CAMKMT: variants seen among roughly 807,000 people sequenced by gnomAD.
CAMKMT encodes calmodulin-lysine N-methyltransferase, also known as CaM KMT.
A neutral mutation model predicts 48.0 loss-of-function variants in CAMKMT; 53 were observed. The observed-to-expected ratio is 1.10, with a 90% CI of 0.89 to 1.39. The LOEUF (loss-of-function observed/expected upper bound fraction) is 1.39, where lower values mean the gene tolerates loss of function less well. Ranked by LOEUF, CAMKMT falls within the 40% of genes most tolerant of loss-of-function variation. The pLI is 0.00. For synonymous variants in CAMKMT, 165 were observed against 152.3 expected (o/e 1.08, Z -0.61); for missense variants, 428 against 402.7 (o/e 1.06, Z -0.54).
intron 3 of CAMKMT, among the ~76,000 whole-genome samples, chr2:44,572,113 C>A (rs1328572375): frequency 6.6e-6 from 1 of 152,250 alleles, no homozygotes; most frequent in Non-Finnish European, 1.5e-5. Context: ...TCTCCCCAGA[C>A]TGAGACTGTA....
intron 3 of CAMKMT, among the ~76,000 whole-genome samples, chr2:44,604,367 A>G (rs1299968452): frequency 1.3e-5 from 2 of 152,118 alleles, no homozygotes; most frequent in Non-Finnish European, 2.9e-5. Context: ...CCATATTTTA[A>G]TTTCTGACCA....
chr2:44,544,691 G>A (rs1667300919), intron 3 of CAMKMT, among the ~76,000 whole-genome samples: 1 of 152,172 alleles, frequency 6.6e-6, no homozygotes, highest in African/African-American at 2.4e-5. Context: ...TTTTAGATCA[G>A]CCAAGTAATC....
rs573164458 is a variant in CAMKMT at position 44,690,212 on chromosome 2, G to C, written c.377-14071G>C. On this transcript the variant is annotated intron_variant, in intron 3 of 10. Coordinates refer to ENST00000378494, the MANE Select transcript of CAMKMT (RefSeq NM_024766.5). ...TTTCTTTAAAATGTCACAGGCTAGA[G>C]CCCACTGGTAATTTTATAGTTTTCA... Among the ~76,000 whole-genome samples, 373 of 152,306 alleles carry C rather than the reference G, an allele frequency of 2.4e-3. 11 individuals carry two copies. The highest frequency in any genetic ancestry group is 0.021 in the Admixed American group (329 of 15,306).
rs1380861049 is a variant in CAMKMT at position 44,672,701 on chromosome 2, A to G, written c.377-31582A>G. 3.9e-5 allele frequency among the ~76,000 whole-genome samples: 6 copies of G among 152,152 alleles called. No individual in the cohort carries two copies. The East Asian group carries it at 7.7e-4, about 20-fold the overall frequency. ...ATAGTTGCTTATTTACCAGATATCA[A>G]CCAAGCTCTGGGTACCAGGCACTTT... is the stretch of plus-strand genomic sequence containing the variant. On this transcript the variant is annotated intron_variant, in intron 3 of 10. Coordinates refer to ENST00000378494, the MANE Select transcript of CAMKMT (RefSeq NM_024766.5).
chr2:44,688,051 C>T (rs779243301), intron 3 of CAMKMT, among the ~76,000 whole-genome samples: 1 of 152,190 alleles, frequency 6.6e-6, no homozygotes, highest in South Asian at 2.1e-4. Flanking sequence ...TTTACATCTA[C>T]AATGGTACGT....
At chr2:44,498,734 C>T (rs1020760273) in intron 3 of CAMKMT, among the ~76,000 whole-genome samples, 3 of 152,134 alleles carry the variant, frequency 2.0e-5, no homozygotes, top group Admixed American at 2.0e-4. Context: ...ATTTAATTCC[C>T]CTTTTGGCTA....
chr2:44,712,451 A>G (rs1156702086), intron 6 of CAMKMT, among the ~76,000 whole-genome samples: 1 of 152,104 alleles, frequency 6.6e-6, no homozygotes, highest in Non-Finnish European at 1.5e-5. Flanking sequence ...ATTTGTTTAA[A>G]TTACTATTAT....
chr2:44,494,235 C>G (rs1227151617), intron 3 of CAMKMT, among the ~76,000 whole-genome samples: 1 of 152,182 alleles, frequency 6.6e-6, no homozygotes, highest in Admixed American at 6.5e-5. Flanking sequence ...TGTCAGTAGA[C>G]ATGAACGGGA....
chr2:44,391,062 A>G (rs1681289106), intron 3 of CAMKMT, among the ~76,000 whole-genome samples: 1 of 152,214 alleles, frequency 6.6e-6, no homozygotes, highest in African/African-American at 2.4e-5. Flanking sequence ...TTTTAAATGT[A>G]AAAATAGTAC....
chr2:44,374,651 G>C (rs2104365436), intron 2 of CAMKMT, among the ~76,000 whole-genome samples: 1 of 152,304 alleles, frequency 6.6e-6, no homozygotes, highest in African/African-American at 2.4e-5. Context: ...TCCTCATGTA[G>C]TACTATCCAG....
intron 3 of CAMKMT, among the ~76,000 whole-genome samples, chr2:44,505,284 A>G (rs895816979): frequency 1.3e-5 from 2 of 152,164 alleles, no homozygotes; most frequent in Admixed American, 6.5e-5. Flanking sequence ...TATATTCTAC[A>G]TGCTACTCTT....
chr2:44,392,737 T>C (rs946049562), intron 3 of CAMKMT, among the ~76,000 whole-genome samples: 1 of 152,062 alleles, frequency 6.6e-6, no homozygotes, highest in Non-Finnish European at 1.5e-5. Flanking sequence ...TCCTGGCCGA[T>C]TTTTTAATTT....
At chr2:44,632,904 C>G (rs1391209882) in intron 3 of CAMKMT, among the ~76,000 whole-genome samples, 6 of 152,182 alleles carry the variant, frequency 3.9e-5, no homozygotes, top group Admixed American at 3.3e-4. Context: ...GGCTGGCTCT[C>G]CTTGCTCCTC....
At chr2:44,442,826 C>G (rs922476595) in intron 3 of CAMKMT, among the ~76,000 whole-genome samples, 108 of 152,304 alleles carry the variant, frequency 7.1e-4, no homozygotes, top group African/African-American at 2.4e-3. Context: ...GCTGCTGGAG[C>G]AGGGATTGTT....
At chr2:44,374,142 A>T (rs955208539) in intron 2 of CAMKMT, among the ~76,000 whole-genome samples, 1 of 137,826 alleles carries the variant, frequency 7.3e-6, no homozygotes, top group Non-Finnish European at 1.6e-5. Context: ...AAAAAAAAAA[A>T]ATCAAAGTAA....
chr2:44,380,030 T>C (rs1179174884), intron 2 of CAMKMT, among the ~76,000 whole-genome samples: 1 of 152,200 alleles, frequency 6.6e-6, no homozygotes, highest in Non-Finnish European at 1.5e-5. Context: ...ATAATTTTAA[T>C]GTCATATTTA....
chr2:44,756,611 G>A (rs1178266332), intron 9 of CAMKMT, among the ~76,000 whole-genome samples: 4 of 151,892 alleles, frequency 2.6e-5, no homozygotes, highest in Non-Finnish European at 4.4e-5. Context: ...GCGTGGTGGC[G>A]GGCGCCTGTA....
chr2:44,424,992 A>G (rs1184881616), intron 3 of CAMKMT, among the ~76,000 whole-genome samples: 7 of 152,334 alleles, frequency 4.6e-5, no homozygotes, highest in Admixed American at 2.6e-4. Context: ...GATCTAGAAC[A>G]TGAAACAAAA....
intron 2 of CAMKMT, among the ~76,000 whole-genome samples, chr2:44,388,289 T>G (rs898076393): frequency 3.9e-5 from 6 of 152,172 alleles, no homozygotes; most frequent in African/African-American, 1.4e-4. Context: ...CTTATTCAAT[T>G]CTATTGTTGA....
Sources: gnomAD v4.1 joint callset for allele counts (sites outside exome capture counted in the v4.1 genomes callset) on GRCh38, gnomAD v4.1.1 for gene constraint, MANE v1.5 for transcripts, NCBI Gene and HGNC (gene_info 2026-07-23, HGNC 2026-07-21) for gene names.